Variants in ALMS1 observed in about 807,000 individuals in gnomAD.
ALMS1 encodes ALMS1 centrosome and basal body associated protein.
Under a neutral mutation model 352.2 loss-of-function variants are expected in ALMS1, and 271 were observed. The observed-to-expected ratio is 0.77, with a 90% CI of 0.70 to 0.85. The LOEUF (loss-of-function observed/expected upper bound fraction) is 0.85. ALMS1 is among the 40% of genes least tolerant of loss of function. ALMS1 has a pLI of 0.00. For missense variants in ALMS1, 5,445 were observed against 4,870.7 expected, an observed-to-expected ratio of 1.12 and a Z score of -3.51; for synonymous variants, 1,865 against 1,761.2, an observed-to-expected ratio of 1.06 and a Z score of -1.48.
At chr2:73,547,378 G>T (rs569943008) in intron 12 of ALMS1, among the ~76,000 whole-genome samples, 1 of 152,262 alleles carries the variant, frequency 6.6e-6, no homozygotes, top group South Asian at 2.1e-4. Flanking sequence ...TCCTTTTTAC[G>T]CCAGCTCAGG....
At chr2:73,414,472 CGT>C (rs1491309951) in intron 2 of ALMS1, among the ~76,000 whole-genome samples, 9 of 34,362 alleles carry the variant, frequency 2.6e-4, no homozygotes, top group Admixed American at 8.4e-4. Flanking sequence ...TCTTTTTTTC[CGT>C]TTTTTTTTTT....
intron 9 of ALMS1, among the ~76,000 whole-genome samples, chr2:73,487,994 G>C (rs984148966): frequency 3.7e-4 from 56 of 152,314 alleles, no homozygotes; most frequent in Admixed American, 1.6e-3. Flanking sequence ...CTTCAAAGGG[G>C]AGGAGATGCA....
At position 73,547,127 on chromosome 2, in the gene ALMS1, A is replaced by G. The variant is rs1427399888; in HGVS notation, c.9908-3140A>G. Among the ~76,000 whole-genome samples the G allele has an allele frequency of 2.6e-5, 4 of 152,326 alleles. No individual in the cohort carries two copies. The East Asian group carries it at 7.7e-4, about 29-fold the overall frequency. ...TATAAAATAGACTTCATGTTAGATG[A>G]TTCTGCCCACCTGTAGGCTATTGTA... On this transcript the variant is annotated intron_variant, in intron 12 of 22. Transcript: ENST00000613296.
intron 10 of ALMS1, among the ~76,000 whole-genome samples, chr2:73,496,422 T>C (rs1227820645): frequency 6.6e-6 from 1 of 152,154 alleles, no homozygotes; most frequent in Non-Finnish European, 1.5e-5. Context: ...AGTAGTGCTT[T>C]TTTATTGCTT....
chr2:73,507,969 A>G (rs1313153529), intron 10 of ALMS1, among the ~76,000 whole-genome samples: 5 of 152,030 alleles, frequency 3.3e-5, no homozygotes, highest in Admixed American at 2.6e-4. Flanking sequence ...AGATTCTGGT[A>G]TGTTGTGCCT....
At chr2:73,540,638 G>T (rs1674154428) in intron 12 of ALMS1, among the ~76,000 whole-genome samples, 1 of 152,168 alleles carries the variant, frequency 6.6e-6, no homozygotes, top group African/African-American at 2.4e-5. Context: ...CATCTCATGT[G>T]CAGAGTCACA....
chr2:73,442,288 T>G (rs1671734475), intron 7 of ALMS1, among the ~76,000 whole-genome samples: 1 of 152,126 alleles, frequency 6.6e-6, no homozygotes, highest in African/African-American at 2.4e-5. Flanking sequence ...TATGTTCTTT[T>G]ATCATATTAT....
intron 10 of ALMS1, among the ~76,000 whole-genome samples, chr2:73,515,208 T>G (rs1673530845): frequency 6.6e-6 from 1 of 152,180 alleles, no homozygotes; most frequent in African/African-American, 2.4e-5. Flanking sequence ...TCTACTACAG[T>G]TGAATCAGAT....
rs1026749292 is a variant in ALMS1, at chr2:73,453,156, A to T, written c.6629A>T (p.Asn2210Ile). The change falls in exon 8 of 23, where the codon AAT (asparagine) becomes ATT (isoleucine). Residue 2210 changes from asparagine to isoleucine, a missense_variant. Physicochemically the swap from Asn to Ile is moderately radical, Grantham distance 149. Coordinates refer to ENST00000613296, the MANE Select transcript of ALMS1 (RefSeq NM_001378454.1). The stretch of plus-strand genomic sequence containing the variant: ...GTCCAAAGGCTAATAGATAATTTGA[A>T]TTCTTCTGACTCCAGTGTTAGCTCA... ...EHVQRLIDNL[N>I]SSDSSVSSNN... 1 of 1,613,970 alleles carries T rather than the reference A, an allele frequency of 6.2e-7. No individual in the cohort carries two copies. The highest frequency in any genetic ancestry group is 1.3e-5 in the African/African-American group (1 of 74,930).
chr2:73,572,824 TAC>T lies in ALMS1; in HGVS notation c.10951_10952del (p.His3651Ter), dbSNP rs1558699576. ...CACATTCTCTCCAGGTCTCAGAAAG[TAC>T]ACATGATGATAGCAGAGGGGAACGA... ...ITHSLQVSES[T>X]HDDSRGERSV... is the part of the protein sequence containing the mutation. On this transcript the variant is annotated frameshift_variant, in exon 16 of 23. Transcript: ENST00000613296. LOFTEE classifies it high-confidence loss of function. 1 of 1,613,842 alleles carries T rather than the reference TAC, an allele frequency of 6.2e-7. No homozygotes were observed. The highest frequency in any genetic ancestry group is 1.1e-5 in the South Asian group (1 of 91,074).
chr2:73,453,353 C>A lies in ALMS1; in HGVS notation c.6826C>A (p.Arg2276=). 6.2e-7 allele frequency: 1 copy of A among 1,613,674 alleles called. No homozygotes were observed. The highest frequency in any genetic ancestry group is 1.1e-5 in the South Asian group (1 of 91,058). ...LMEAENMALK[R]CNFPAPLARF... ...GGAGGCAGAAAATATGGCACTGAAA[C>A]GATGCAATTTTCCTGCTCCCCTTGC... is the stretch of plus-strand genomic sequence containing the variant. Residue 2276 remains arginine, a synonymous_variant, in exon 8 of 23, where the codon CGA becomes AGA. Coordinates refer to ENST00000613296, the MANE Select transcript of ALMS1 (RefSeq NM_001378454.1).
chr2:73,436,943 T>C (rs141172326), intron 7 of ALMS1, among the ~76,000 whole-genome samples: 70 of 152,388 alleles, frequency 4.6e-4, no homozygotes, highest in African/African-American at 1.7e-3. Context: ...TTTGCACATC[T>C]TACTTTTCTG....
At chr2:73,608,829 A>G (rs559344976) in intron 22 of ALMS1, among the ~76,000 whole-genome samples, 2 of 152,358 alleles carry the variant, frequency 1.3e-5, no homozygotes, top group African/African-American at 2.4e-5. Flanking sequence ...AATTTCACAC[A>G]CAGGAGTTCA....
chr2:73,401,518 TATGTTG>T (rs1670871540), intron 1 of ALMS1, among the ~76,000 whole-genome samples: 1 of 152,182 alleles, frequency 6.6e-6, no homozygotes, highest in Admixed American at 6.5e-5. Context: ...ACCTCTTAAG[TATGTTG>T]GGATTTTCCA....
intron 3 of ALMS1, among the ~76,000 whole-genome samples, chr2:73,420,674 G>C (rs1671265162): frequency 1.3e-5 from 2 of 152,156 alleles, no homozygotes; most frequent in South Asian, 4.1e-4. Flanking sequence ...TAGCACTGGG[G>C]AGGAGATTGT....
intron 9 of ALMS1, among the ~76,000 whole-genome samples, chr2:73,484,863 G>C (rs948559381): frequency 6.6e-6 from 1 of 152,146 alleles, no homozygotes; most frequent in Non-Finnish European, 1.5e-5. Flanking sequence ...CCAGTTGATG[G>C]CATCGGCTCT....
chr2:73,599,599 C>T, intron 17 of ALMS1, 78 bp downstream of exon 17: 1 of 1,479,896 alleles, frequency 6.8e-7, no homozygotes, highest in Non-Finnish European at 9.4e-7. Flanking sequence ...CAACCTCAAT[C>T]ATAATAAAGG....
intron 9 of ALMS1, among the ~76,000 whole-genome samples, chr2:73,483,812 C>T (rs1356093541): frequency 6.8e-6 from 1 of 146,620 alleles, no homozygotes; most frequent in African/African-American, 2.6e-5. Flanking sequence ...GAATTGATCC[C>T]TTTACCATTA....
At chr2:73,541,062 A>T (rs1168755519) in intron 12 of ALMS1, among the ~76,000 whole-genome samples, 4 of 152,228 alleles carry the variant, frequency 2.6e-5, no homozygotes, top group Non-Finnish European at 4.4e-5. Flanking sequence ...AAATCAACAG[A>T]ATATACAGTC....
Sources: allele counts gnomAD v4.1 joint callset (sites outside exome capture counted in the v4.1 genomes callset), GRCh38; gene constraint gnomAD v4.1.1; transcripts MANE v1.5; gene names NCBI Gene and HGNC (gene_info 2026-07-23, HGNC 2026-07-21).